The following SH3BP5 variants were observed in gnomAD, a reference collection of about 807,000 sequenced individuals.
The protein encoded by SH3BP5 is SH3 domain-binding protein 5.
Under a neutral mutation model 43.3 loss-of-function variants are expected in SH3BP5, and 22 were observed. The observed-to-expected ratio is 0.51, with a 90% confidence interval of 0.36 to 0.73. The LOEUF (loss-of-function observed/expected upper bound fraction) is 0.73, where lower values mean the gene tolerates loss of function less well. SH3BP5 is among the 30% of genes least tolerant of loss of function. The pLI is 0.00. For missense variants in SH3BP5, 529 were observed against 586.9 expected (o/e 0.90, Z 1.02); for synonymous variants, 255 against 225.8 (o/e 1.13, Z -1.16).
chr3:15,258,081 GTT>G (rs1296197561), intron 7 of SH3BP5: 2 of 152,218 alleles, frequency 1.3e-5, no homozygotes, highest in African/African-American at 4.8e-5. Context: ...TCAAATGATA[GTT>G]TCCTTTTCCT....
chr3:15,335,059 T>C (rs1559464717), upstream of SH3BP5, among the ~76,000 whole-genome samples: 1 of 151,972 alleles, frequency 6.6e-6, no homozygotes, highest in Non-Finnish European at 1.5e-5. Flanking sequence ...AGACGATCGC[T>C]TGAGGCCAGG....
At chr3:15,279,189 A>AC (rs916911238) in intron 3 of SH3BP5, among the ~76,000 whole-genome samples, 22 of 152,240 alleles carry the variant, frequency 1.4e-4, no homozygotes, top group East Asian at 5.8e-4. Flanking sequence ...AAACAAACAA[A>AC]AAAAAAGATC....
At chr3:15,329,171 A>T (rs1249266511) in intron 2 of SH3BP5, among the ~76,000 whole-genome samples, 1 of 152,274 alleles carries the variant, frequency 6.6e-6, no homozygotes, top group Middle Eastern at 3.4e-3. Flanking sequence ...AATTTTAATT[A>T]AATTCAAATA....
intron 3 of SH3BP5, among the ~76,000 whole-genome samples, chr3:15,294,385 C>G: frequency 6.6e-6 from 1 of 150,996 alleles, no homozygotes; most frequent in East Asian, 2.0e-4. Context: ...TTAGAAAGTG[C>G]CTGGTATACA....
intron 2 of SH3BP5, among the ~76,000 whole-genome samples, chr3:15,324,795 C>T (rs1037161165): frequency 2.7e-5 from 4 of 149,824 alleles, no homozygotes; most frequent in African/African-American, 9.9e-5. Flanking sequence ...CCAGTTTACT[C>T]TCACCTCCAA....
At chr3:15,295,285 T>C (rs1324377816) in intron 3 of SH3BP5, among the ~76,000 whole-genome samples, 1 of 152,220 alleles carries the variant, frequency 6.6e-6, no homozygotes, top group Non-Finnish European at 1.5e-5. Flanking sequence ...AAATCAACAC[T>C]TGCAGTGTTC....
At chr3:15,278,218 C>T (rs1697024954) in intron 3 of SH3BP5, among the ~76,000 whole-genome samples, 1 of 152,222 alleles carries the variant, frequency 6.6e-6, no homozygotes, top group African/African-American at 2.4e-5. Flanking sequence ...AAGAACCCCT[C>T]CCCCGGCTAG....
intron 2 of SH3BP5, among the ~76,000 whole-genome samples, chr3:15,318,530 CAAAAAA>C (rs59276192): frequency 9.5e-6 from 1 of 105,216 alleles, no homozygotes; most frequent in Non-Finnish European, 1.9e-5. Context: ...CTGTCAGCTC[CAAAAAA>C]AAAAAAAAAA....
At chr3:15,299,663 T>A (rs1424787677) in intron 3 of SH3BP5, among the ~76,000 whole-genome samples, 2 of 151,974 alleles carry the variant, frequency 1.3e-5, no homozygotes, top group African/African-American at 4.8e-5. Context: ...CAGCTAATTT[T>A]AAATTTTTTT....
chr3:15,303,943 A>G (rs1439549052), intron 3 of SH3BP5, among the ~76,000 whole-genome samples, 160 bp downstream of exon 3: 1 of 152,168 alleles, frequency 6.6e-6, no homozygotes, highest in Non-Finnish European at 1.5e-5. Flanking sequence ...AATAGTGTCG[A>G]GCACTGGAAT....
intron 1 of SH3BP5, among the ~76,000 whole-genome samples, chr3:15,339,555 C>T (rs1302509959): frequency 6.6e-6 from 1 of 151,884 alleles, no homozygotes; most frequent in Non-Finnish European, 1.5e-5. Context: ...ACTAAAAATA[C>T]AAAAATTAGC....
rs1484616494 is a variant in SH3BP5 at position 15,258,991 on chromosome 3, G to A, written c.729C>T (p.Tyr243=). 3.1e-6 allele frequency: 5 copies of A among 1,614,224 alleles called. No individual in the cohort carries two copies. Among genetic ancestry groups the A allele is most frequent in the Admixed American group, 3.3e-5 (2 of 60,036 alleles). ...TCTCCAGGTTCTTCAGGGCCATCTTGTACTCGCCTTTTGCCAGGGTCAGTT... is the reference window on the plus strand; with the variant it reads ...TCTCCAGGTTCTTCAGGGCCATCTTATACTCGCCTTTTGCCAGGGTCAGTT... ...QAKLTLAKGE[Y]KMALKNLEMI... Residue 243 remains tyrosine (Y), a synonymous_variant, in exon 7 of 9, where the codon TAC becomes TAT. Coordinates refer to ENST00000383791, the MANE Select transcript of SH3BP5 (RefSeq NM_004844.5).
At chr3:15,295,381 C>T (rs539678174) in intron 3 of SH3BP5, among the ~76,000 whole-genome samples, 2 of 152,316 alleles carry the variant, frequency 1.3e-5, no homozygotes, top group South Asian at 4.1e-4. Flanking sequence ...AACAAGAAGC[C>T]ACCCTGCCTT....
chr3:15,256,428 C>CTA (rs1192492817), intron 8 of SH3BP5, 125 bp from the exon 9 acceptor site: 1 of 1,018,722 alleles, frequency 9.8e-7, no homozygotes, highest in Admixed American at 2.0e-5. Flanking sequence ...AACCAGTCAG[C>CTA]TAACTCAGCC....
chr3:15,338,037 A>AT lies in SH3BP5; in HGVS notation c.-402+3185dup, dbSNP rs1262516464. The stretch of plus-strand genomic sequence containing the variant: ...TAAATTAAGATTCCTTGCAATGCCA[A>AT]TTTTTTTTTTTAATGCTTTGTGAGC... On this transcript the variant is annotated intron_variant, in intron 1 of 8. Transcript: ENST00000408919. Among the ~76,000 whole-genome samples the AT allele has an allele frequency of 6.2e-3, 918 of 146,886 alleles. 10 individuals carry two copies. Among genetic ancestry groups the AT allele is most frequent in the African/African-American group, 0.02 (785 of 40,196 alleles).
In SH3BP5 at chr3:15,323,435, C is replaced by G. The variant is rs115105362; in HGVS notation, c.201+7069G>C. Among the ~76,000 whole-genome samples, 781 of 152,304 alleles carry G rather than the reference C, an allele frequency of 5.1e-3. 3 individuals are homozygous for G. The highest frequency in any genetic ancestry group is 0.017 in the African/African-American group (724 of 41,562). Reference sequence around the variant, plus strand: ...AACCTTCTCTGTTTGCAGCGCCCAGCGGGTCTCAGCCCTCCCTGCCAGCCA... The same window carrying G: ...AACCTTCTCTGTTTGCAGCGCCCAGGGGGTCTCAGCCCTCCCTGCCAGCCA... On this transcript the variant is annotated intron_variant, in intron 2 of 8. Transcript: ENST00000383791.
At chr3:15,271,052 T>C (rs1295119249) in intron 3 of SH3BP5, among the ~76,000 whole-genome samples, 1 of 151,636 alleles carries the variant, frequency 6.6e-6, no homozygotes, top group Non-Finnish European at 1.5e-5. Context: ...AAATAATATT[T>C]TGGATATATT....
At chr3:15,295,489 C>T (rs1697543297) in intron 3 of SH3BP5, among the ~76,000 whole-genome samples, 1 of 152,130 alleles carries the variant, frequency 6.6e-6, no homozygotes, top group Non-Finnish European at 1.5e-5. Context: ...TGATTTTTCT[C>T]TATAAATTGG....
intron 3 of SH3BP5, among the ~76,000 whole-genome samples, chr3:15,303,850 C>G (rs188991232): frequency 6.6e-6 from 1 of 152,186 alleles, no homozygotes; most frequent in Non-Finnish European, 1.5e-5. Flanking sequence ...CCTCTGGACA[C>G]GTCCCCTTAA....
Sources: allele counts gnomAD v4.1 joint callset (sites outside exome capture counted in the v4.1 genomes callset), GRCh38; gene constraint gnomAD v4.1.1; transcripts MANE v1.5; gene names NCBI Gene and HGNC (gene_info 2026-07-23, HGNC 2026-07-21).